Variants in ZSWIM6 observed in about 807,000 individuals in gnomAD.
The protein encoded by ZSWIM6 is zinc finger SWIM-type containing 6, also known as zinc finger SWIM domain-containing protein 6.
ZSWIM6 carries 9 observed loss-of-function variants against 113.2 expected under a neutral mutation model. The ratio of observed to expected loss-of-function variants is 0.08; its 90% CI spans 0.05 to 0.14. The LOEUF (loss-of-function observed/expected upper bound fraction) is 0.14, where lower values mean the gene tolerates loss of function less well. Ranked by LOEUF, ZSWIM6 falls within the 10% of genes least tolerant of loss-of-function variation. ZSWIM6 has a pLI of 1.00. For missense variants in ZSWIM6, 1,162 were observed against 1,552.2 expected (o/e 0.75, Z 4.22); for synonymous variants, 611 against 606.5 (o/e 1.01, Z -0.11).
chr5:61,391,539 G>T lies in ZSWIM6; in HGVS notation c.676+58591G>T. The T allele has an allele frequency of 5.0e-6, 5 of 1,007,982 alleles. No homozygotes were observed. In the South Asian group the frequency reaches 6.3e-5, roughly 13 times the overall value. 62.4% of individuals were successfully genotyped at this position (1,007,982 alleles called of 1,614,324 possible). A position where few individuals can be genotyped will look rare whatever the true frequency, so the allele number is the denominator to read the frequency against. On this transcript the variant is annotated intron_variant, in intron 1 of 13. Coordinates refer to ENST00000252744, the MANE Select transcript of ZSWIM6 (RefSeq NM_020928.2). ...TATAGAAATGTCTCTTGCATGCATC[G>T]CTGATGTGCTCAGCGAAGACAGTAT...
chr5:61,541,833 TC>T lies in ZSWIM6; in HGVS notation c.2704-50del, dbSNP rs544363198. On this transcript the variant is annotated intron_variant, in intron 12 of 13. Coordinates refer to ENST00000252744, the MANE Select transcript of ZSWIM6 (RefSeq NM_020928.2). The stretch of plus-strand genomic sequence containing the variant: ...TATAGTTTATCCCCCCCCTTTTTTT[TC>T]ATTGACTCAGGATAATTTTCTAAAA... 2.4e-4 allele frequency: 350 copies of T among 1,471,336 alleles called. 3 individuals carry two copies. The South Asian group carries it at 3.3e-3, about 14-fold the overall frequency. The allele number at this position is 1,471,336 out of a possible 1,614,324, so 91.1% of individuals were successfully genotyped here. A position where few individuals can be genotyped will look rare whatever the true frequency, so the allele number is the denominator to read the frequency against.
chr5:61,519,852 G>A (rs1172286754), intron 4 of ZSWIM6, among the ~76,000 whole-genome samples: 3 of 152,148 alleles, frequency 2.0e-5, no homozygotes, highest in South Asian at 2.1e-4. Context: ...GGATGAAACT[G>A]TATCACTTCA....
At chr5:61,518,821 T>G (rs1161609127) in intron 4 of ZSWIM6, among the ~76,000 whole-genome samples, 236 of 145,752 alleles carry the variant, frequency 1.6e-3, no homozygotes, top group African/African-American at 2.6e-3. Flanking sequence ...TTTTGGCTTT[T>G]TTTGCCATTG....
At chr5:61,392,381 A>T (rs1050872588) in intron 1 of ZSWIM6, among the ~76,000 whole-genome samples, 1 of 152,210 alleles carries the variant, frequency 6.6e-6, no homozygotes, top group African/African-American at 2.4e-5. Flanking sequence ...AAATTTTTTT[A>T]AATGATTATA....
intron 1 of ZSWIM6, among the ~76,000 whole-genome samples, chr5:61,447,505 A>G (rs1401855243): frequency 6.6e-6 from 1 of 152,146 alleles, no homozygotes; most frequent in Non-Finnish European, 1.5e-5. Flanking sequence ...TCCACAAAGG[A>G]CACTCACTCA....
At chr5:61,510,108 T>C (rs1055685311) in intron 4 of ZSWIM6, among the ~76,000 whole-genome samples, 2 of 151,786 alleles carry the variant, frequency 1.3e-5, no homozygotes, top group Admixed American at 6.6e-5. Flanking sequence ...TCAGTGTGCT[T>C]GCCTAAGGTC....
chr5:61,406,591 CAT>C (rs1381835811), intron 1 of ZSWIM6, among the ~76,000 whole-genome samples: 1 of 152,066 alleles, frequency 6.6e-6, no homozygotes, highest in Non-Finnish European at 1.5e-5. Flanking sequence ...TAAAATCTGT[CAT>C]AATTAGTCAG....
At chr5:61,375,665 C>G (rs1357361624) in intron 1 of ZSWIM6, 30 of 1,545,316 alleles carry the variant, frequency 1.9e-5, no homozygotes, top group Admixed American at 1.8e-4. Flanking sequence ...AAGATGTATT[C>G]TGAAGATAAA....
At chr5:61,526,096 C>A in intron 6 of ZSWIM6, 120 bp downstream of exon 6, 2 of 1,408,900 alleles carry the variant, frequency 1.4e-6, no homozygotes, top group South Asian at 1.4e-5. Flanking sequence ...GAATGCTTGG[C>A]AATAGGAGCT....
At chr5:61,348,103 C>T (rs1010130038) in intron 1 of ZSWIM6, among the ~76,000 whole-genome samples, 3 of 152,222 alleles carry the variant, frequency 2.0e-5, no homozygotes, top group African/African-American at 4.8e-5. Flanking sequence ...CGCCTGTAGT[C>T]CCAGCTACTC....
chr5:61,375,922 A>C, intron 1 of ZSWIM6: 3 of 701,976 alleles, frequency 4.3e-6, no homozygotes, highest in Non-Finnish European at 7.1e-6. Context: ...AACTGTGAAA[A>C]CTACAACATA....
At chr5:61,380,661 A>G (rs1403331664) in intron 1 of ZSWIM6, among the ~76,000 whole-genome samples, 2 of 152,166 alleles carry the variant, frequency 1.3e-5, no homozygotes, top group Admixed American at 6.5e-5. Flanking sequence ...TACTCAAGAA[A>G]TGTTTACTGG....
intron 1 of ZSWIM6, among the ~76,000 whole-genome samples, chr5:61,408,856 C>T (rs866294115): frequency 1.6e-4 from 25 of 152,248 alleles, no homozygotes; most frequent in Admixed American, 3.3e-4. Context: ...GTCAGCGCCG[C>T]CGGTTCAGCC....
At chr5:61,453,663 A>G (rs1396709485) in intron 1 of ZSWIM6, among the ~76,000 whole-genome samples, 2 of 151,702 alleles carry the variant, frequency 1.3e-5, no homozygotes, top group African/African-American at 4.8e-5. Context: ...GGTGTAAGCC[A>G]CCACACCCAG....
At chr5:61,351,257 C>T (rs1019957473) in intron 1 of ZSWIM6, among the ~76,000 whole-genome samples, 8 of 152,096 alleles carry the variant, frequency 5.3e-5, no homozygotes, top group African/African-American at 1.9e-4. Context: ...TAGAATTTGC[C>T]TGAAAATGGA....
intron 1 of ZSWIM6, among the ~76,000 whole-genome samples, chr5:61,356,531 C>T (rs990504712): frequency 6.6e-6 from 1 of 150,874 alleles, no homozygotes; most frequent in Non-Finnish European, 1.5e-5. Context: ...ATTACTTTTG[C>T]ACCAACCTAA....
At chr5:61,426,942 G>A (rs1480116135) in intron 1 of ZSWIM6, among the ~76,000 whole-genome samples, 3 of 151,830 alleles carry the variant, frequency 2.0e-5, no homozygotes, top group Non-Finnish European at 4.4e-5. Context: ...TATTGGTAGT[G>A]TTAATTGTGA....
intron 1 of ZSWIM6, among the ~76,000 whole-genome samples, chr5:61,454,375 C>G (rs1233977511): frequency 6.6e-6 from 1 of 151,876 alleles, no homozygotes; most frequent in African/African-American, 2.4e-5. Context: ...CCTGCTTCAG[C>G]CTCCTAAGTA....
intron 1 of ZSWIM6, among the ~76,000 whole-genome samples, chr5:61,420,240 C>T (rs1479321986): frequency 6.6e-6 from 1 of 152,230 alleles, no homozygotes; most frequent in African/African-American, 2.4e-5. Flanking sequence ...AACACATGCT[C>T]TAGAGACCAG....
Sources: allele counts gnomAD v4.1 joint callset (sites outside exome capture counted in the v4.1 genomes callset), GRCh38; gene constraint gnomAD v4.1.1; transcripts MANE v1.5; gene names NCBI Gene and HGNC (gene_info 2026-07-23, HGNC 2026-07-21).